BMI1: variants seen among roughly 807,000 people sequenced by gnomAD.
BMI1 encodes the protein polycomb complex protein BMI-1.
BMI1 carries 9 observed loss-of-function variants against 39.1 expected under a neutral mutation model. The observed-to-expected ratio is 0.23, with a 90% CI of 0.14 to 0.40. The LOEUF is 0.40. BMI1 is among the 10% of genes least tolerant of loss of function. The probability of loss-of-function intolerance (pLI) is 1.00; values close to 1 mark genes in which losing one functional copy is unlikely to be tolerated. For missense variants in BMI1, 252 were observed against 390.8 expected, an observed-to-expected ratio of 0.64 and a Z score of 2.99; for synonymous variants, 131 against 127.9, an observed-to-expected ratio of 1.02 and a Z score of -0.16.
Position 22,328,200 on chromosome 10 carries a change from A to G in BMI1, c.471+21A>G, listed in dbSNP as rs755016503. 15 of 1,588,966 alleles carry G rather than the reference A, an allele frequency of 9.4e-6. No individual in the cohort carries two copies. In the South Asian group the frequency reaches 1.4e-4, roughly 15 times the overall value. On this transcript the variant is annotated intron_variant, in intron 7 of 9. Transcript: ENST00000376663. Reference sequence around the variant, plus strand: ...AGGAGGTATGTTTCATGTTACAAAAACATATAGAAGAAACATTGTTTGGAA... The same window carrying G: ...AGGAGGTATGTTTCATGTTACAAAAGCATATAGAAGAAACATTGTTTGGAA...
chr10:22,326,321 C>A, intron 1 of BMI1, 110 bp from the exon 2 acceptor site: 1 of 1,446,770 alleles, frequency 6.9e-7, no homozygotes, highest in Non-Finnish European at 9.3e-7. Flanking sequence ...GACAGCCCAG[C>A]TGTACAGTGT....
At chr10:22,325,073 TG>T (rs997113500) in intron 1 of BMI1, among the ~76,000 whole-genome samples, 1 of 152,278 alleles carries the variant, frequency 6.6e-6, no homozygotes, top group Non-Finnish European at 1.5e-5. Context: ...TACTTTTTCT[TG>T]CCCCCAGCAT....
rs544290661 is a variant in BMI1, at chr10:22,321,433, G to C, written c.-283G>C. On this transcript the variant is annotated 5_prime_UTR_variant, in exon 1 of 10. Transcript: ENST00000376663. ...GGCCCCGGAGGAGGAGGCGTTGGAGGTCGAGGCGGAGGCGGAGGAGGAGGA... is the reference window on the plus strand; with the variant it reads ...GGCCCCGGAGGAGGAGGCGTTGGAGCTCGAGGCGGAGGCGGAGGAGGAGGA... 1.2e-5 allele frequency: 2 copies of C among 161,320 alleles called. No individual in the cohort carries two copies. The highest frequency in any genetic ancestry group is 2.7e-5 in the Non-Finnish European group (2 of 74,506). The allele number at this position is 161,320 out of a possible 1,614,324, so 10.0% of individuals were successfully genotyped here. A position where few individuals can be genotyped will look rare whatever the true frequency, so the allele number is the denominator to read the frequency against.
chr10:22,324,566 TTTG>T (rs1476768409), intron 1 of BMI1, among the ~76,000 whole-genome samples: 4 of 152,200 alleles, frequency 2.6e-5, no homozygotes, highest in African/African-American at 9.6e-5. Flanking sequence ...TAAGAGAGGC[TTTG>T]TTTTGTTTTT....
In BMI1 at chr10:22,329,568, T is replaced by A. The variant is rs1452659699; in HGVS notation, c.*26T>A. 3.7e-6 allele frequency: 6 copies of A among 1,603,592 alleles called. No homozygotes were observed. The African/African-American group carries it at 5.4e-5, about 14-fold the overall frequency. On this transcript the variant is annotated 3_prime_UTR_variant, in exon 10 of 10. Coordinates refer to ENST00000376663, the MANE Select transcript of BMI1 (RefSeq NM_005180.9). ...TACCTGAGACTGTTAAGGAAAAAAA[T>A]TTTAAACCCCTGATTTATATAGATA...
rs1836236084 is a variant in BMI1, at chr10:22,329,425, C to T, written c.864C>T (p.His288=). ...AGTCTCCTCATCCACAGTTTCCTCA[C>T]ATTTCCAGTACTATGAATGGAACCA... ...PVQSPHPQFP[H]ISSTMNGTSN... is the part of the protein sequence containing the mutation. The change falls in exon 10 of 10, where the codon CAC becomes CAT. Residue 288 remains histidine (H), a synonymous_variant. Coordinates refer to ENST00000376663, the MANE Select transcript of BMI1 (RefSeq NM_005180.9). 3 of 1,614,216 alleles carry T rather than the reference C, an allele frequency of 1.9e-6. No individual in the cohort carries two copies. The highest frequency in any genetic ancestry group is 1.6e-4 in the Middle Eastern group (1 of 6,062).
chr10:22,330,524 A>C lies in BMI1; in HGVS notation c.*982A>C, dbSNP rs1176499749. 6.6e-6 allele frequency: 1 copy of C among 152,238 alleles called. No homozygotes were observed. The highest frequency in any genetic ancestry group is 1.5e-5 in the Non-Finnish European group (1 of 68,018). 9.4% of individuals were successfully genotyped at this position (152,238 alleles called of 1,614,324 possible). A position where few individuals can be genotyped will look rare whatever the true frequency, so the allele number is the denominator to read the frequency against. The stretch of plus-strand genomic sequence containing the variant: ...TTTACTTTAAAGATTGTTGCAGTGA[A>C]GAAAAACCTTTAACTGAGAAATATG... On this transcript the variant is annotated 3_prime_UTR_variant, in exon 10 of 10. Transcript: ENST00000376663.
At chr10:22,325,117 TCTC>T (rs1490703438) in intron 1 of BMI1, among the ~76,000 whole-genome samples, 2 of 152,224 alleles carry the variant, frequency 1.3e-5, no homozygotes, top group Non-Finnish European at 2.9e-5. Context: ...GGCTTTGCCC[TCTC>T]CTCTTCTTGT....
intron 1 of BMI1, among the ~76,000 whole-genome samples, chr10:22,322,947 G>T (rs575997437): frequency 2.6e-5 from 4 of 152,286 alleles, no homozygotes; most frequent in African/African-American, 7.2e-5. Flanking sequence ...GGATTTAGTG[G>T]GCTTAGTGGT....
intron 7 of BMI1, 114 bp from the exon 8 acceptor site, chr10:22,328,486 G>A (rs552169937): frequency 1.0e-4 from 102 of 1,011,710 alleles, no homozygotes; most frequent in Non-Finnish European, 1.3e-4. Flanking sequence ...TTGAGAGGTT[G>A]GTCACCTCCA....
At chr10:22,331,644 G>A (rs1836284859), downstream of BMI1, among the ~76,000 whole-genome samples, 1 of 152,006 alleles carries the variant, frequency 6.6e-6, no homozygotes, top group African/African-American at 2.4e-5. Context: ...AAATGCTAGT[G>A]GACTGTCATT....
At chr10:22,322,049 G>A (rs1213205091) in intron 1 of BMI1, 2 of 150,538 alleles carry the variant, frequency 1.3e-5, no homozygotes, top group Non-Finnish European at 3.0e-5. Flanking sequence ...GCGGCCCCAC[G>A]TTTTAGTTCC....
At position 22,330,400 on chromosome 10, in the gene BMI1, G is replaced by A. The variant is rs777934034; in HGVS notation, c.*858G>A. The A allele has an allele frequency of 4.6e-5, 7 of 152,632 alleles. No homozygotes were observed. The highest frequency in any genetic ancestry group is 7.2e-5 in the African/African-American group (3 of 41,476). The allele number at this position is 152,632 out of a possible 1,614,324, so 9.5% of individuals were successfully genotyped here. ...ATGTTGAGCCTTGCTTACCAGCAAA[G>A]AATATTTTTAATGTGGATATCTAAT... On this transcript the variant is annotated 3_prime_UTR_variant, in exon 10 of 10. Transcript: ENST00000376663.
At position 22,329,566 on chromosome 10, in the gene BMI1, A is replaced by T. The variant is rs2132008726; in HGVS notation, c.*24A>T. 1.2e-6 allele frequency: 2 copies of T among 1,604,778 alleles called. No homozygotes were observed. Among genetic ancestry groups the T allele is most frequent in the East Asian group, 2.2e-5 (1 of 44,784 alleles). On this transcript the variant is annotated 3_prime_UTR_variant, in exon 10 of 10. Transcript: ENST00000376663. The stretch of plus-strand genomic sequence containing the variant: ...GATACCTGAGACTGTTAAGGAAAAA[A>T]ATTTTAAACCCCTGATTTATATAGA...
rs752305518 is a variant in BMI1, at chr10:22,326,995, C to G, written c.209+9C>G. The G allele has an allele frequency of 6.2e-7, 1 of 1,610,954 alleles. No homozygotes were observed. Among genetic ancestry groups the G allele is most frequent in the Non-Finnish European group, 8.5e-7 (1 of 1,178,622 alleles). ...CCACTACTGAATATAAGGTAGGAAA[C>G]TGTTGAAATTCCTTGTTTGTAATTA... On this transcript the variant is annotated intron_variant, in intron 3 of 9. Transcript: ENST00000376663.
At chr10:22,326,396 C>T (rs1488091255) in intron 1 of BMI1, 35 bp from the exon 2 acceptor site, 15 of 1,605,570 alleles carry the variant, frequency 9.3e-6, no homozygotes, top group Middle Eastern at 1.7e-4. Flanking sequence ...CATTCTTGTT[C>T]TGTGAATTAT....
At chr10:22,327,825 A>G (rs753067653) in intron 5 of BMI1, 33 bp downstream of exon 5, 1 of 1,612,732 alleles carries the variant, frequency 6.2e-7, no homozygotes, top group African/African-American at 1.3e-5. Flanking sequence ...GACATTTTAT[A>G]TGGGGGGAGA....
rs148911593 is a variant in BMI1, at chr10:22,329,435, A to G, written c.874A>G (p.Thr292Ala). Residue 292 changes from threonine to alanine, a missense_variant, in exon 10 of 10, where the codon ACT becomes GCT. By Grantham distance (58) the Thr-to-Ala change is moderately conservative. This residue lies in a region of BMI1 where 96 missense variants were observed against 120.2 expected (regional missense o/e 0.80). Coordinates refer to ENST00000376663, the MANE Select transcript of BMI1 (RefSeq NM_005180.9). ...PHPQFPHISS[T>A]MNGTSNSPSG... is the part of the protein sequence containing the mutation. ...TCCACAGTTTCCTCACATTTCCAGTACTATGAATGGAACCAGCAACAGCCC... is the reference window on the plus strand; with the variant it reads ...TCCACAGTTTCCTCACATTTCCAGTGCTATGAATGGAACCAGCAACAGCCC... The G allele has an allele frequency of 1.2e-6, 2 of 1,614,086 alleles. No individual in the cohort carries two copies. Among genetic ancestry groups the G allele is most frequent in the Non-Finnish European group, 1.7e-6 (2 of 1,180,026 alleles).
chr10:22,321,398 AGGAGGAGGAGGCCCC>A lies in BMI1; in HGVS notation c.-305_-291del, dbSNP rs989529986. ...GAGGAGGCGGCGGCGGCCGAGGAGG[AGGAGGAGGAGGCCCC>A]GGAGGAGGAGGCGTTGGAGGTCGAG... On this transcript the variant is annotated 5_prime_UTR_variant, in exon 1 of 10. Coordinates refer to ENST00000376663, the MANE Select transcript of BMI1 (RefSeq NM_005180.9). The A allele has an allele frequency of 3.8e-5, 6 of 159,790 alleles. No homozygotes were observed. Among genetic ancestry groups the A allele is most frequent in the Non-Finnish European group, 8.1e-5 (6 of 73,972 alleles). 9.9% of individuals were successfully genotyped at this position (159,790 alleles called of 1,614,324 possible).
Sources: gnomAD v4.1 joint callset for allele counts (sites outside exome capture counted in the v4.1 genomes callset) on GRCh38, gnomAD v4.1.1 for gene constraint, gnomAD v4.1.1 regional missense constraint, MANE v1.5 for transcripts, NCBI Gene and HGNC (gene_info 2026-07-23, HGNC 2026-07-21) for gene names.